Variants in AFF4 observed in about 807,000 individuals in gnomAD.
AFF4 encodes the protein AF4/FMR2 family member 4.
In AFF4, 13 loss-of-function variants were observed where a neutral mutation model predicts 124.8. That is an observed-to-expected ratio of 0.10 (90% CI 0.07 to 0.17). AFF4 has a LOEUF of 0.17. Among genes scored for constraint, AFF4 ranks in the 10% least tolerant of loss-of-function variants. The pLI, the probability that AFF4 is intolerant of heterozygous loss-of-function variation, is 1.00. For missense variants in AFF4, 1,092 were observed against 1,403.8 expected (o/e 0.78, Z 3.55); for synonymous variants, 477 against 496.1 (o/e 0.96, Z 0.51).
At chr5:132,912,507 C>T (rs1006262430) in intron 5 of AFF4, among the ~76,000 whole-genome samples, 1 of 151,900 alleles carries the variant, frequency 6.6e-6, no homozygotes, top group Non-Finnish European at 1.5e-5. Flanking sequence ...ACCACAGGTA[C>T]GTATCACCAC....
chr5:132,901,256 G>A lies in AFF4; in HGVS notation c.1133+1186C>T, dbSNP rs543982072. 63 of 591,240 alleles carry A rather than the reference G, an allele frequency of 1.1e-4. 1 individual carries two copies. The highest frequency in any genetic ancestry group is 1.2e-4 in the Non-Finnish European group (57 of 469,754). 36.6% of individuals were successfully genotyped at this position (591,240 alleles called of 1,614,324 possible). On this transcript the variant is annotated intron_variant, in intron 7 of 20. Coordinates refer to ENST00000265343, the MANE Select transcript of AFF4 (RefSeq NM_014423.4). ...TACCAGACTGCTCAGGGCCCTGCACGCTTTTGTTCCCTCACAATCAAAGTG... is the reference window on the plus strand; with the variant it reads ...TACCAGACTGCTCAGGGCCCTGCACACTTTTGTTCCCTCACAATCAAAGTG...
At chr5:132,910,242 T>A (rs1226096595) in intron 5 of AFF4, among the ~76,000 whole-genome samples, 1 of 152,198 alleles carries the variant, frequency 6.6e-6, no homozygotes, top group Non-Finnish European at 1.5e-5. Flanking sequence ...TTTTTGTTTT[T>A]AAATGGGACC....
At chr5:132,961,948 T>C (rs1029458583) in intron 1 of AFF4, among the ~76,000 whole-genome samples, 2 of 152,194 alleles carry the variant, frequency 1.3e-5, no homozygotes, top group African/African-American at 4.8e-5. Flanking sequence ...ATTTTTCTTA[T>C]ATTTAGGAGC....
rs988696534 is a variant in AFF4 at position 132,878,724 on chromosome 5, G to C, written c.*2335C>G. ...CCAAAAATTGACACAGTTTTAAAGA[G>C]AAAATATTAGAGCAGCACCATAAAC... On this transcript the variant is annotated 3_prime_UTR_variant, in exon 21 of 21. Transcript: ENST00000265343. 2 of 225,216 alleles carry C rather than the reference G, an allele frequency of 8.9e-6. No individual in the cohort carries two copies. Among genetic ancestry groups the C allele is most frequent in the African/African-American group, 4.5e-5 (2 of 44,886 alleles). The allele number at this position is 225,216 out of a possible 1,614,324, so 14.0% of individuals were successfully genotyped here. A position where few individuals can be genotyped will look rare whatever the true frequency, so the allele number is the denominator to read the frequency against.
At chr5:132,949,693 C>T (rs1445740071) in intron 1 of AFF4, among the ~76,000 whole-genome samples, 2 of 145,014 alleles carry the variant, frequency 1.4e-5, no homozygotes, top group African/African-American at 5.4e-5. Context: ...ACCACACACA[C>T]ACACACACGC....
intron 4 of AFF4, among the ~76,000 whole-genome samples, chr5:132,930,638 T>G (rs755042231): frequency 6.7e-6 from 1 of 149,278 alleles, no homozygotes; most frequent in Non-Finnish European, 1.5e-5. Context: ...AGACACAAAT[T>G]CAGGAGCTCA....
At chr5:132,900,983 A>T in intron 7 of AFF4, 1 of 985,370 alleles carries the variant, frequency 1.0e-6, no homozygotes, top group Non-Finnish European at 1.2e-6. Flanking sequence ...TCTATATCTG[A>T]CCCTAAGTTC....
At chr5:132,905,320 T>C (rs1450728952) in intron 5 of AFF4, among the ~76,000 whole-genome samples, 1 of 152,198 alleles carries the variant, frequency 6.6e-6, no homozygotes, top group Non-Finnish European at 1.5e-5. Flanking sequence ...AGCTGTTCCA[T>C]ATGTGCAAAC....
chr5:132,956,856 C>G (rs1286709821), intron 1 of AFF4, among the ~76,000 whole-genome samples: 1 of 151,016 alleles, frequency 6.6e-6, no homozygotes, highest in Non-Finnish European at 1.5e-5. Flanking sequence ...CCCATCTCTA[C>G]TAAAAATACA....
chr5:132,922,846 T>G (rs1761081888), intron 5 of AFF4, among the ~76,000 whole-genome samples: 1 of 149,666 alleles, frequency 6.7e-6, no homozygotes. Flanking sequence ...ATTAGGTAAA[T>G]TATGATGCCA....
At position 132,896,377 on chromosome 5, in the gene AFF4, C is replaced by T. The variant is rs1760396520; in HGVS notation, c.2253G>A (p.Glu751=). ...CTTTTTCTGAGGCTTGTTTCTGAGCCTCTCTCGTGTGCTTTTCTGGCACAT... is the reference window on the plus strand; with the variant it reads ...CTTTTTCTGAGGCTTGTTTCTGAGCTTCTCTCGTGTGCTTTTCTGGCACAT... ...KKNVPEKHTR[E]AQKQASEKVS... The change falls in exon 11 of 21, where the codon GAG becomes GAA. Residue 751 remains glutamate, a synonymous_variant. Transcript: ENST00000265343. 3.1e-6 allele frequency: 5 copies of T among 1,611,028 alleles called. No individual in the cohort carries two copies. The African/African-American group carries it at 4.0e-5, about 13-fold the overall frequency.
intron 1 of AFF4, among the ~76,000 whole-genome samples, chr5:132,938,905 T>C (rs1428641817): frequency 2.6e-5 from 3 of 117,544 alleles, no homozygotes; most frequent in Non-Finnish European, 4.8e-5. Context: ...ATGGCACCAC[T>C]GCACTCCAGC....
In AFF4 at chr5:132,898,345, C is replaced by T; in HGVS notation, c.1274G>A (p.Arg425Lys). ...HHNSEGADNS[R>K]DDSSSHSGSE... is the part of the protein sequence containing the mutation. ...TCCACTGTGGCTACTAGAATCATCC[C>T]TGGAGTTATCTGCTCCTTCACTATT... Residue 425 changes from arginine (R) to lysine (K), a missense_variant, in exon 10 of 21, where the codon AGG becomes AAG. Arg to Lys is a conservative substitution (Grantham distance 26). Around this residue, in one of 11 missense-constraint regions of AFF4, gnomAD observed 148 missense variants for 196.3 expected, o/e 0.75. Transcript: ENST00000265343. 6.2e-7 allele frequency: 1 copy of T among 1,614,222 alleles called. No homozygotes were observed. Among genetic ancestry groups the T allele is most frequent in the Admixed American group, 1.7e-5 (1 of 60,026 alleles).
Position 132,879,446 on chromosome 5 carries a change from T to C in AFF4, c.*1613A>G, listed in dbSNP as rs1364496086. On this transcript the variant is annotated 3_prime_UTR_variant, in exon 21 of 21. Transcript: ENST00000265343. ...TTCAAAGCAGCATTACCCAACTGGT[T>C]AGACTAAGTCATGTACCAAAGCAAT... is the stretch of plus-strand genomic sequence containing the variant. 2 of 204,390 alleles carry C rather than the reference T, an allele frequency of 9.8e-6. No individual in the cohort carries two copies. Among genetic ancestry groups the C allele is most frequent in the Admixed American group, 1.2e-4 (2 of 16,718 alleles). The allele number at this position is 204,390 out of a possible 1,614,324, so 12.7% of individuals were successfully genotyped here.
rs775566968 is a variant in AFF4 at position 132,887,602 on chromosome 5, TACAATAACA to T, written c.2934-19_2934-11del. On this transcript the variant is annotated splice_polypyrimidine_tract_variant and intron_variant, in intron 16 of 20. Transcript: ENST00000265343. ...TAGCTTCATAGTGTATCTGTTGAGTTACAATAACAAACAAATGACAAACAGAATACTTCA... is the reference window on the plus strand; with the variant it reads ...TAGCTTCATAGTGTATCTGTTGAGTTAACAAATGACAAACAGAATACTTCA... The T allele has an allele frequency of 5.6e-6, 9 of 1,607,984 alleles. No individual in the cohort carries two copies. Among genetic ancestry groups the T allele is most frequent in the Non-Finnish European group, 6.8e-6 (8 of 1,174,750 alleles).
intron 5 of AFF4, among the ~76,000 whole-genome samples, chr5:132,922,818 A>C (rs1315934146): frequency 6.6e-6 from 1 of 151,668 alleles, no homozygotes; most frequent in Non-Finnish European, 1.5e-5. Context: ...AAGCAACCCA[A>C]ATGTCCATTA....
Position 132,963,354 on chromosome 5 carries a change from C to T in AFF4, c.-100G>A, listed in dbSNP as rs1235516559. 2 of 397,282 alleles carry T rather than the reference C, an allele frequency of 5.0e-6. No homozygotes were observed. The highest frequency in any genetic ancestry group is 1.3e-4 in the South Asian group (1 of 7,846). The allele number at this position is 397,282 out of a possible 1,614,324, so 24.6% of individuals were successfully genotyped here. A position where few individuals can be genotyped will look rare whatever the true frequency, so the allele number is the denominator to read the frequency against. On this transcript the variant is annotated 5_prime_UTR_variant, in exon 1 of 21. Transcript: ENST00000265343. ...TCACCGGACGCGCATTCGAGCCCGC[C>T]CAGGGGGCGGTGACAGGCTGCCAAG...
At chr5:132,951,077 T>C (rs1484597774) in intron 1 of AFF4, among the ~76,000 whole-genome samples, 1 of 151,978 alleles carries the variant, frequency 6.6e-6, no homozygotes, top group Non-Finnish European at 1.5e-5. Flanking sequence ...TTACAAAAAT[T>C]AGCCAGGCGT....
chr5:132,958,465 CAA>C (rs34337170), intron 1 of AFF4, among the ~76,000 whole-genome samples: 8,908 of 54,362 alleles, frequency 0.16, 88 homozygotes, highest in South Asian at 0.26. Context: ...GACCCTGTCT[CAA>C]AAAAAAAAAA....
Sources: gnomAD v4.1 joint callset for allele counts (sites outside exome capture counted in the v4.1 genomes callset) on GRCh38, gnomAD v4.1.1 for gene constraint, gnomAD v4.1.1 regional missense constraint, MANE v1.5 for transcripts, NCBI Gene and HGNC (gene_info 2026-07-23, HGNC 2026-07-21) for gene names.